RBFOX1: variants seen among roughly 807,000 people sequenced by gnomAD.
RBFOX1 encodes RNA binding protein fox-1 homolog 1.
A neutral mutation model predicts 57.7 loss-of-function variants in RBFOX1; 8 were observed. The ratio of observed to expected loss-of-function variants is 0.14; its 90% CI spans 0.08 to 0.25. The LOEUF is 0.25. Among genes scored for constraint, RBFOX1 ranks in the 10% least tolerant of loss-of-function variants. The pLI, the probability that RBFOX1 is intolerant of heterozygous loss-of-function variation, is 1.00. For missense variants in RBFOX1, 611 were observed against 548.5 expected (o/e 1.11, Z -1.14); for synonymous variants, 326 against 222.4 (o/e 1.47, Z -4.15).
intron 1 of RBFOX1, among the ~76,000 whole-genome samples, chr16:5,374,623 A>C (rs890070723): frequency 6.6e-6 from 1 of 151,936 alleles, no homozygotes; most frequent in Admixed American, 6.6e-5. Context: ...GCTTGGACTT[A>C]ATCCATTAGA....
At position 6,231,230 on chromosome 16, in the gene RBFOX1, G is replaced by A. The variant is rs1387563072; in HGVS notation, c.-126-85765G>A. On this transcript the variant is annotated intron_variant, in intron 1 of 15. Coordinates refer to ENST00000550418, the MANE Select transcript of RBFOX1 (RefSeq NM_018723.4). ...TGTGTATGTGTTTGTGTGTGTGTGT[G>A]TGTGTGTAGGTGTGTGTGTGTGTGT... is the stretch of plus-strand genomic sequence containing the variant. Among the ~76,000 whole-genome samples the A allele has an allele frequency of 5.7e-5, 5 of 88,456 alleles. No individual in the cohort carries two copies. The Admixed American group carries it at 7.0e-4, about 12-fold the overall frequency. The allele number at this position is 88,456 out of a possible 152,430, so 58.0% of individuals were successfully genotyped here.
chr16:7,119,355 G>T (rs900993951), intron 4 of RBFOX1, among the ~76,000 whole-genome samples: 1 of 152,086 alleles, frequency 6.6e-6, no homozygotes, highest in African/African-American at 2.4e-5. Context: ...CACCTACTCT[G>T]TGGTGGCCAT....
chr16:6,037,230 A>G (rs1240975660), intron 1 of RBFOX1: 1 of 152,212 alleles, frequency 6.6e-6, no homozygotes, highest in Non-Finnish European at 1.5e-5. Flanking sequence ...AAACCACAAC[A>G]GTAATGTTTT....
At chr16:5,761,516 GA>G (rs1369877283) in intron 3 of RBFOX1, among the ~76,000 whole-genome samples, 1 of 152,206 alleles carries the variant, frequency 6.6e-6, no homozygotes, top group Non-Finnish European at 1.5e-5. Flanking sequence ...AATCATGACA[GA>G]AGGCAAGGAA....
chr16:7,695,636 A>G (rs926492530), intron 14 of RBFOX1, among the ~76,000 whole-genome samples: 2 of 133,884 alleles, frequency 1.5e-5, no homozygotes, highest in African/African-American at 5.7e-5. Context: ...TGGACGACAG[A>G]GCAAGCCTCC....
chr16:7,655,549 A>G (rs1021045438), intron 12 of RBFOX1, among the ~76,000 whole-genome samples: 3 of 152,210 alleles, frequency 2.0e-5, no homozygotes, highest in African/African-American at 7.2e-5. Flanking sequence ...CACAGCAATG[A>G]GCCCATTTTA....
At chr16:6,984,688 T>C (rs758406591) in intron 3 of RBFOX1, among the ~76,000 whole-genome samples, 2 of 152,146 alleles carry the variant, frequency 1.3e-5, no homozygotes, top group Admixed American at 6.5e-5. Flanking sequence ...TTGACCAGGC[T>C]GGAGTGCAGT....
At chr16:7,377,288 C>T (rs771267928) in intron 4 of RBFOX1, among the ~76,000 whole-genome samples, 1 of 152,170 alleles carries the variant, frequency 6.6e-6, no homozygotes, top group Admixed American at 6.5e-5. Flanking sequence ...GATACTGGGA[C>T]ACAGGTGGTC....
At chr16:6,171,096 G>A (rs1346897779) in intron 1 of RBFOX1, among the ~76,000 whole-genome samples, 1 of 152,148 alleles carries the variant, frequency 6.6e-6, no homozygotes, top group Admixed American at 6.5e-5. Flanking sequence ...ATTCTTCTGG[G>A]TATATACCCA....
chr16:5,381,029 G>C (rs1044674234), intron 1 of RBFOX1, among the ~76,000 whole-genome samples: 1 of 152,174 alleles, frequency 6.6e-6, no homozygotes, highest in African/African-American at 2.4e-5. Flanking sequence ...TTGAGCTTTG[G>C]AACTCCCTTG....
rs1287267486 is a variant in RBFOX1 at position 7,621,621 on chromosome 16, G to A, written c.677-8982G>A. The stretch of plus-strand genomic sequence containing the variant: ...AAATTTTGAGCAAATATTTTTAAAA[G>A]CCTGTGTTTGAAAAAAGTTTGTTTT... On this transcript the variant is annotated intron_variant, in intron 10 of 15. Coordinates refer to ENST00000550418, the MANE Select transcript of RBFOX1 (RefSeq NM_018723.4). 2.0e-5 allele frequency among the ~76,000 whole-genome samples: 3 copies of A among 152,116 alleles called. No individual in the cohort carries two copies. The East Asian group carries it at 5.8e-4, about 29-fold the overall frequency.
At chr16:6,597,459 G>T (rs2097787853) in intron 2 of RBFOX1, among the ~76,000 whole-genome samples, 1 of 152,024 alleles carries the variant, frequency 6.6e-6, no homozygotes, top group East Asian at 1.9e-4. Flanking sequence ...GGATCACAAG[G>T]TCAGGAGTTT....
At chr16:6,199,542 G>T (rs2097201978) in intron 1 of RBFOX1, among the ~76,000 whole-genome samples, 1 of 152,154 alleles carries the variant, frequency 6.6e-6, no homozygotes, top group East Asian at 1.9e-4. Context: ...TTCTAATTCA[G>T]ATTTAGTGCT....
chr16:7,300,822 A>G (rs1168918160), intron 4 of RBFOX1, among the ~76,000 whole-genome samples: 1 of 152,216 alleles, frequency 6.6e-6, no homozygotes, highest in Non-Finnish European at 1.5e-5. Context: ...TTTGAAGATG[A>G]CATTATTGAT....
chr16:7,189,781 A>T (rs911454792), intron 4 of RBFOX1, among the ~76,000 whole-genome samples: 2 of 152,182 alleles, frequency 1.3e-5, no homozygotes, highest in Admixed American at 6.5e-5. Context: ...AACTTTCCCT[A>T]TGCATCCAGC....
intron 4 of RBFOX1, among the ~76,000 whole-genome samples, chr16:5,902,474 T>C (rs550388870): frequency 6.6e-6 from 1 of 152,274 alleles, no homozygotes; most frequent in South Asian, 2.1e-4. Context: ...AGCGTAGTGA[T>C]GCCATCTTGG....
chr16:6,936,158 G>C (rs1279835834), intron 3 of RBFOX1, among the ~76,000 whole-genome samples: 3 of 152,144 alleles, frequency 2.0e-5, no homozygotes, highest in African/African-American at 7.2e-5. Flanking sequence ...TCTTAATTTG[G>C]TGTGTTGCAG....
intron 1 of RBFOX1, among the ~76,000 whole-genome samples, chr16:6,106,709 C>A (rs112003832): frequency 0.03 from 4,586 of 152,002 alleles, 227 homozygotes; most frequent in African/African-American, 0.1. Flanking sequence ...GCTCTGTTGC[C>A]CAGGGTGGAG....
intron 3 of RBFOX1, among the ~76,000 whole-genome samples, chr16:6,896,157 C>G (rs1015262166): frequency 2.8e-4 from 43 of 152,014 alleles, no homozygotes; most frequent in Non-Finnish European, 1.5e-5. Flanking sequence ...TCTGTAATCC[C>G]AGCTACTCAG....
Sources: gnomAD v4.1 joint callset for allele counts (sites outside exome capture counted in the v4.1 genomes callset) on GRCh38, gnomAD v4.1.1 for gene constraint, MANE v1.5 for transcripts, NCBI Gene and HGNC (gene_info 2026-07-23, HGNC 2026-07-21) for gene names.